The following TTC39C variants were observed in gnomAD, a reference collection of about 807,000 sequenced individuals.
The protein encoded by TTC39C is tetratricopeptide repeat domain 39C, also known as tetratricopeptide repeat protein 39C.
A neutral mutation model predicts 76.3 loss-of-function variants in TTC39C; 33 were observed. That is an observed-to-expected ratio of 0.43 (90% CI 0.33 to 0.58). The LOEUF (loss-of-function observed/expected upper bound fraction) is 0.58, where lower values mean the gene tolerates loss of function less well. Among genes scored for constraint, TTC39C ranks in the 20% least tolerant of loss-of-function variants. The pLI, the probability that TTC39C is intolerant of heterozygous loss-of-function variation, is 0.04. For missense variants in TTC39C, 595 were observed against 701.4 expected, an observed-to-expected ratio of 0.85 and a Z score of 1.71; for synonymous variants, 254 against 260.6, an observed-to-expected ratio of 0.97 and a Z score of 0.24.
rs534099578 is a variant in TTC39C at position 24,073,802 on chromosome 18, G to A, written c.460+4531G>A. On this transcript the variant is annotated intron_variant, in intron 4 of 13. Transcript: ENST00000317571. ...CCCAAAGTGTGGGGATTACAGGTGT[G>A]AGCCACCATGCCCAGCCAATCTGGC... Among the ~76,000 whole-genome samples the A allele has an allele frequency of 1.7e-4, 26 of 152,320 alleles. 1 individual carries two copies. The highest frequency in any genetic ancestry group is 5.3e-4 in the African/African-American group (22 of 41,576).
intron 8 of TTC39C, among the ~76,000 whole-genome samples, chr18:24,119,452 C>G (rs2084938271): frequency 6.6e-6 from 1 of 152,172 alleles, no homozygotes. Flanking sequence ...CCATTCTGCC[C>G]TCTTAACTGA....
chr18:24,020,080 A>C, intron 1 of TTC39C: 1 of 1,346,402 alleles, frequency 7.4e-7, no homozygotes, highest in Non-Finnish European at 9.5e-7. Flanking sequence ...TGGAGACGAT[A>C]GGAGAGTCCA....
intron 1 of TTC39C, among the ~76,000 whole-genome samples, chr18:24,036,221 T>A (rs1203532897): frequency 6.6e-6 from 1 of 152,220 alleles, no homozygotes; most frequent in African/African-American, 2.4e-5. Flanking sequence ...TCCCTTGAGA[T>A]TCCATATGAA....
chr18:24,105,885 G>T (rs763466898), intron 6 of TTC39C, among the ~76,000 whole-genome samples: 14 of 152,200 alleles, frequency 9.2e-5, no homozygotes, highest in Non-Finnish European at 1.6e-4. Flanking sequence ...TCTGAGGGCC[G>T]TGAGGGAGAG....
chr18:24,012,114 A>G (rs1467494495), upstream of TTC39C, among the ~76,000 whole-genome samples: 1 of 152,144 alleles, frequency 6.6e-6, no homozygotes, highest in Non-Finnish European at 1.5e-5. Context: ...AATGCCAACT[A>G]CAGCTGCCAC....
At chr18:24,096,294 AT>A (rs1176631227) in intron 6 of TTC39C, among the ~76,000 whole-genome samples, 4 of 152,198 alleles carry the variant, frequency 2.6e-5, no homozygotes, top group African/African-American at 9.6e-5. Context: ...GCATGCCTGT[AT>A]TTCTTATATA....
intron 4 of TTC39C, among the ~76,000 whole-genome samples, chr18:24,080,262 A>T (rs1233429676): frequency 6.6e-6 from 1 of 152,214 alleles, no homozygotes. Context: ...AACTCGTGAA[A>T]AGATGTTGGA....
intron 1 of TTC39C, among the ~76,000 whole-genome samples, chr18:24,025,396 C>T (rs1215852780): frequency 6.6e-6 from 1 of 152,128 alleles, no homozygotes; most frequent in Non-Finnish European, 1.5e-5. Flanking sequence ...GGTTTAGCTG[C>T]GGTTTGTTGA....
At chr18:24,065,077 G>A (rs1179892455) in intron 2 of TTC39C, among the ~76,000 whole-genome samples, 2 of 152,230 alleles carry the variant, frequency 1.3e-5, no homozygotes, top group Non-Finnish European at 2.9e-5. Flanking sequence ...AAAGGGTCTT[G>A]GCTGAGTCTG....
chr18:24,019,089 C>G (rs1353201774), intron 1 of TTC39C, among the ~76,000 whole-genome samples: 1 of 152,170 alleles, frequency 6.6e-6, no homozygotes, highest in African/African-American at 2.4e-5. Flanking sequence ...TGACATATTA[C>G]TTTTTAACAG....
intron 6 of TTC39C, among the ~76,000 whole-genome samples, chr18:24,109,224 T>TCCACC (rs2084782709): frequency 1.4e-5 from 2 of 144,574 alleles, no homozygotes; most frequent in African/African-American, 5.5e-5. Context: ...AGATTGGTGG[T>TCCACC]GTGCACCTAT....
At chr18:24,074,774 C>T (rs2084282178) in intron 4 of TTC39C, among the ~76,000 whole-genome samples, 1 of 152,116 alleles carries the variant, frequency 6.6e-6, no homozygotes, top group Non-Finnish European at 1.5e-5. Flanking sequence ...CTAGAAATAC[C>T]ATTTGACCTA....
intron 1 of TTC39C, among the ~76,000 whole-genome samples, chr18:24,023,010 T>C (rs537399722): frequency 9.9e-5 from 15 of 152,250 alleles, no homozygotes; most frequent in Admixed American, 5.9e-4. Flanking sequence ...GATGCTAGAG[T>C]TGGGTAATAC....
Position 24,065,992 on chromosome 18 carries a change from C to A in TTC39C, c.217-20C>A, listed in dbSNP as rs1368230123. ...TCAGATACTAATTCATTCATTCATT[C>A]ATTCTTTCTTTCTTGGAAGAATGCC... On this transcript the variant is annotated intron_variant, in intron 2 of 13. Transcript: ENST00000317571. 1.3e-6 allele frequency: 2 copies of A among 1,537,790 alleles called. No individual in the cohort carries two copies. The highest frequency in any genetic ancestry group is 2.5e-5 in the South Asian group (2 of 79,992).
intron 1 of TTC39C, among the ~76,000 whole-genome samples, chr18:24,034,318 C>T (rs2083708463): frequency 1.3e-5 from 2 of 152,230 alleles, no homozygotes; most frequent in African/African-American, 4.8e-5. Flanking sequence ...ACGCCCTGCT[C>T]AAAATCCTCT....
At chr18:24,113,270 A>C (rs921387402) in intron 6 of TTC39C, 2 of 366,398 alleles carry the variant, frequency 5.5e-6, no homozygotes, top group African/African-American at 4.1e-5. Context: ...TTTGGCTTAC[A>C]GTGTTCCCGA....
intron 6 of TTC39C, among the ~76,000 whole-genome samples, chr18:24,102,297 T>G (rs2084686579): frequency 6.6e-6 from 1 of 152,248 alleles, no homozygotes; most frequent in Non-Finnish European, 1.5e-5. Context: ...GTGGATTCAG[T>G]TGCATAACTC....
chr18:24,113,520 T>C, intron 6 of TTC39C: 1 of 696,424 alleles, frequency 1.4e-6, no homozygotes, highest in Non-Finnish European at 2.6e-6. Context: ...GAGACGCACC[T>C]GGAAGCCCAG....
chr18:24,029,292 G>A (rs2083639937), intron 1 of TTC39C, among the ~76,000 whole-genome samples: 1 of 152,084 alleles, frequency 6.6e-6, no homozygotes, highest in Non-Finnish European at 1.5e-5. Context: ...TAGTAAAGAC[G>A]GGGTTTTTCC....
Sources: gnomAD v4.1 joint callset for allele counts (sites outside exome capture counted in the v4.1 genomes callset) on GRCh38, gnomAD v4.1.1 for gene constraint, MANE v1.5 for transcripts, NCBI Gene and HGNC (gene_info 2026-07-23, HGNC 2026-07-21) for gene names.